RALYL: variants seen among roughly 807,000 people sequenced by gnomAD.
RALYL encodes RALY RNA binding protein like.
A neutral mutation model predicts 35.1 loss-of-function variants in RALYL; 29 were observed. That is an observed-to-expected ratio of 0.83 (90% CI 0.61 to 1.13). RALYL has a LOEUF of 1.13. Ranked by LOEUF, RALYL falls within the 50% of genes most tolerant of loss-of-function variation. The pLI, the probability that RALYL is intolerant of heterozygous loss-of-function variation, is 0.00. For synonymous variants in RALYL, 120 were observed against 127.6 expected (o/e 0.94, Z 0.40); for missense variants, 359 against 360.4 (o/e 1.00, Z 0.03).
intron 2 of RALYL, among the ~76,000 whole-genome samples, chr8:84,636,125 C>T (rs777027932): frequency 7.3e-5 from 11 of 151,718 alleles, no homozygotes; most frequent in Non-Finnish European, 1.2e-4. Context: ...GGCTCTGCTC[C>T]TTTCTTACTT....
intron 7 of RALYL, among the ~76,000 whole-genome samples, chr8:84,887,131 T>C (rs867443703): frequency 1.4e-4 from 22 of 152,132 alleles, no homozygotes; most frequent in African/African-American, 5.1e-4. Context: ...ACTTTTTTCC[T>C]CAGTGAGTTT....
In RALYL at chr8:84,766,213, T is replaced by C. The variant is rs1008573235; in HGVS notation, c.257-8366T>C. 3.3e-5 allele frequency among the ~76,000 whole-genome samples: 5 copies of C among 152,194 alleles called. No homozygotes were observed. In the East Asian group the frequency reaches 5.8e-4, roughly 18 times the overall value. On this transcript the variant is annotated intron_variant, in intron 2 of 8. Transcript: ENST00000521268. ...GCAGTATCCTAGAGGAGCTCTGATTTGCTGGATGCTAATAGATATATCGTC... is the reference window on the plus strand; with the variant it reads ...GCAGTATCCTAGAGGAGCTCTGATTCGCTGGATGCTAATAGATATATCGTC...
chr8:84,442,309 A>G (rs1338784637), intron 1 of RALYL, among the ~76,000 whole-genome samples: 1 of 152,184 alleles, frequency 6.6e-6, no homozygotes, highest in South Asian at 2.1e-4. Context: ...GTTTTAAATT[A>G]GGATCAGTTT....
intron 8 of RALYL, among the ~76,000 whole-genome samples, chr8:84,913,072 A>ATAGATAGATAGG (rs1847859545): frequency 6.6e-6 from 1 of 151,866 alleles, no homozygotes; most frequent in Admixed American, 6.6e-5. Context: ...AGATAGATAG[A>ATAGATAGATAGG]TAGATAGATA....
chr8:84,387,793 T>G (rs1288516960), intron 1 of RALYL, among the ~76,000 whole-genome samples: 2 of 143,594 alleles, frequency 1.4e-5, no homozygotes, highest in East Asian at 4.0e-4. Flanking sequence ...GTTCTTTTCT[T>G]TCTTTCTTTC....
intron 1 of RALYL, among the ~76,000 whole-genome samples, chr8:84,305,324 C>A (rs1841569896): frequency 4.6e-5 from 7 of 152,162 alleles, no homozygotes. Flanking sequence ...TTGCTTTAAT[C>A]ATTCGTCTAG....
intron 1 of RALYL, among the ~76,000 whole-genome samples, chr8:84,256,237 G>A (rs1435322751): frequency 6.6e-6 from 1 of 152,144 alleles, no homozygotes; most frequent in Non-Finnish European, 1.5e-5. Flanking sequence ...CCTGGCAAGA[G>A]TAGAGTTATG....
At chr8:84,224,725 C>T (rs1296597593) in intron 1 of RALYL, among the ~76,000 whole-genome samples, 1 of 151,254 alleles carries the variant, frequency 6.6e-6, no homozygotes, top group Non-Finnish European at 1.5e-5. Context: ...GGCATGATCT[C>T]GGCTCACCAC....
intron 1 of RALYL, among the ~76,000 whole-genome samples, chr8:84,409,557 G>A (rs1190867293): frequency 2.0e-5 from 3 of 151,942 alleles, no homozygotes; most frequent in Non-Finnish European, 2.9e-5. Context: ...CTTTATAGAC[G>A]AAGAAATCTG....
chr8:84,792,890 T>C (rs1287684749), intron 3 of RALYL, among the ~76,000 whole-genome samples: 1 of 152,240 alleles, frequency 6.6e-6, no homozygotes, highest in Non-Finnish European at 1.5e-5. Flanking sequence ...ATTCTTTGTA[T>C]AAGAGCAAGT....
chr8:84,486,805 T>C (rs139645318), intron 1 of RALYL, among the ~76,000 whole-genome samples: 1 of 152,262 alleles, frequency 6.6e-6, no homozygotes, highest in Non-Finnish European at 1.5e-5. Flanking sequence ...AGTTTTTAAA[T>C]GTATTTTGTT....
chr8:84,442,543 CA>C (rs1160671665), intron 1 of RALYL, among the ~76,000 whole-genome samples: 1 of 152,042 alleles, frequency 6.6e-6, no homozygotes, highest in East Asian at 1.9e-4. Flanking sequence ...AAGGTGCTTA[CA>C]GTCAAAGATG....
At chr8:84,286,086 G>A (rs117885728) in intron 1 of RALYL, among the ~76,000 whole-genome samples, 2,877 of 152,194 alleles carry the variant, frequency 0.019, 42 homozygotes, top group Non-Finnish European at 0.031. Flanking sequence ...TAACTGGTGG[G>A]GTTTGCTGAT....
intron 1 of RALYL, among the ~76,000 whole-genome samples, chr8:84,318,467 T>G (rs1474889309): frequency 6.6e-6 from 1 of 152,252 alleles, no homozygotes; most frequent in Non-Finnish European, 1.5e-5. Context: ...TTGCAAATTC[T>G]GTTTCTCTCA....
chr8:84,403,929 C>T (rs1009169215), intron 1 of RALYL, among the ~76,000 whole-genome samples: 6 of 151,892 alleles, frequency 4.0e-5, no homozygotes, highest in African/African-American at 1.5e-4. Flanking sequence ...GTATTTTATT[C>T]TCTTTGTAGC....
chr8:84,282,593 C>T (rs554036900), intron 1 of RALYL, among the ~76,000 whole-genome samples: 1 of 151,820 alleles, frequency 6.6e-6, no homozygotes, highest in Non-Finnish European at 1.5e-5. Flanking sequence ...TTTGCAAGGT[C>T]CTGTTTATTC....
chr8:84,400,795 C>T (rs2042814821), intron 1 of RALYL, among the ~76,000 whole-genome samples: 2 of 152,144 alleles, frequency 1.3e-5, no homozygotes, highest in African/African-American at 4.8e-5. Flanking sequence ...TTATTTGGAT[C>T]ATGAAGTCCA....
intron 2 of RALYL, among the ~76,000 whole-genome samples, chr8:84,591,362 C>A (rs1219640754): frequency 6.6e-6 from 1 of 152,074 alleles, no homozygotes; most frequent in Non-Finnish European, 1.5e-5. Context: ...ATTTATAATA[C>A]AGCAAAAAGC....
intron 1 of RALYL, among the ~76,000 whole-genome samples, chr8:84,272,901 C>A (rs1272506425): frequency 6.6e-6 from 1 of 152,036 alleles, no homozygotes; most frequent in Non-Finnish European, 1.5e-5. Context: ...TCTAACCATC[C>A]CCCTCAGAGA....
Sources: allele counts gnomAD v4.1 joint callset (sites outside exome capture counted in the v4.1 genomes callset), GRCh38; gene constraint gnomAD v4.1.1; transcripts MANE v1.5; gene names NCBI Gene and HGNC (gene_info 2026-07-23, HGNC 2026-07-21).